Variants in SOX5 observed in about 807,000 individuals in gnomAD.
SOX5 encodes transcription factor SOX-5.
SOX5 carries 9 observed loss-of-function variants against 92.0 expected under a neutral mutation model. That is an observed-to-expected ratio of 0.10 (90% CI 0.06 to 0.17). SOX5 has a LOEUF of 0.17. SOX5 is among the 10% of genes least tolerant of loss of function. SOX5 has a pLI of 1.00. For synonymous variants in SOX5, 344 were observed against 336.3 expected (o/e 1.02, Z -0.25); for missense variants, 642 against 944.5 (o/e 0.68, Z 4.20).
intron 1 of SOX5, among the ~76,000 whole-genome samples, chr12:24,547,231 C>T (rs1272530218): frequency 2.1e-5 from 3 of 143,664 alleles, no homozygotes; most frequent in Admixed American, 7.2e-5. Flanking sequence ...GTCGCCCAGG[C>T]CGGACTGCGG....
At chr12:23,926,568 C>G (rs1450304375) in intron 1 of SOX5, among the ~76,000 whole-genome samples, 1 of 151,988 alleles carries the variant, frequency 6.6e-6, no homozygotes. Flanking sequence ...ATTCAAAATC[C>G]TATGCTTTAC....
intron 4 of SOX5, among the ~76,000 whole-genome samples, chr12:24,199,451 A>C (rs1168478147): frequency 6.6e-6 from 1 of 152,198 alleles, no homozygotes; most frequent in Admixed American, 6.5e-5. Flanking sequence ...TAGAATCTCT[A>C]TGTCTGAACG....
intron 3 of SOX5, among the ~76,000 whole-genome samples, chr12:23,779,205 A>G (rs527450674): frequency 5.3e-5 from 8 of 152,262 alleles, no homozygotes; most frequent in African/African-American, 1.9e-4. Context: ...GGCCTTAAAA[A>G]TGCTATTTTG....
At chr12:23,566,029 GCTC>G (rs1334337918) in intron 10 of SOX5, among the ~76,000 whole-genome samples, 3 of 151,960 alleles carry the variant, frequency 2.0e-5, no homozygotes, top group Non-Finnish European at 4.4e-5. Context: ...TGCCTATTTT[GCTC>G]CTCCTGTTTC....
chr12:24,233,558 C>A (rs1963844370), intron 3 of SOX5, among the ~76,000 whole-genome samples: 2 of 152,190 alleles, frequency 1.3e-5, no homozygotes. Flanking sequence ...GTTGCACATA[C>A]CTTTGTGTAA....
intron 3 of SOX5, among the ~76,000 whole-genome samples, chr12:24,221,077 A>G (rs574969935): frequency 5.0e-4 from 76 of 152,348 alleles, no homozygotes; most frequent in Admixed American, 1.3e-4. Flanking sequence ...ATTTTAACTC[A>G]GGATGGCCTG....
At chr12:23,625,350 G>C (rs551595818) in intron 8 of SOX5, among the ~76,000 whole-genome samples, 1 of 152,050 alleles carries the variant, frequency 6.6e-6, no homozygotes, top group South Asian at 2.1e-4. Context: ...CTGGTGTTAC[G>C]GTCTAAATGG....
At position 23,890,812 on chromosome 12, in the gene SOX5, G is replaced by A. The variant is rs574178546; in HGVS notation, c.270+4981C>T. ...AAGCAACAGCCTCCAAAGTCAAGTT[G>A]AAAAAAAAAAAAGAAAAGAAGGAAA... On this transcript the variant is annotated intron_variant, in intron 2 of 14. Transcript: ENST00000451604. Among the ~76,000 whole-genome samples the A allele has an allele frequency of 9.9e-4, 135 of 135,968 alleles. 2 individuals are homozygous for A. Among genetic ancestry groups the A allele is most frequent in the African/African-American group, 3.5e-3 (132 of 37,526 alleles). The allele number at this position is 135,968 out of a possible 152,430, so 89.2% of individuals were successfully genotyped here. A position where few individuals can be genotyped will look rare whatever the true frequency, so the allele number is the denominator to read the frequency against.
At chr12:24,431,115 T>C (rs565582953) in intron 1 of SOX5, among the ~76,000 whole-genome samples, 2 of 152,310 alleles carry the variant, frequency 1.3e-5, no homozygotes, top group Admixed American at 6.5e-5. Context: ...GACCAGGCAG[T>C]GTATATGTCT....
intron 6 of SOX5, among the ~76,000 whole-genome samples, chr12:23,671,480 G>A (rs1277856317): frequency 6.6e-6 from 1 of 152,106 alleles, no homozygotes; most frequent in Non-Finnish European, 1.5e-5. Context: ...ATATCCAAAT[G>A]AGATTACAAG....
Position 23,604,398 on chromosome 12 carries a change from G to C in SOX5, c.1153C>G (p.Pro385Ala), listed in dbSNP as rs1592491321. 2.5e-6 allele frequency: 4 copies of C among 1,613,606 alleles called. No homozygotes were observed. The highest frequency in any genetic ancestry group is 3.4e-6 in the Non-Finnish European group (4 of 1,179,684). The change falls in exon 9 of 15, where the codon CCC (proline) becomes GCC (alanine). Residue 385 changes from proline (P) to alanine (A), a missense_variant. By Grantham distance (27) the Pro-to-Ala change is conservative. Transcript: ENST00000451604. ...CTTCAAAAGGGTACCTTGCTTTTGG[G>C]TGGTGGGCTGTTTGTGCTCTTGTCT... is the stretch of plus-strand genomic sequence containing the variant. ...HTDKSTNSPP[P>A]KSKDEVAQPL...
chr12:24,546,840 G>C (rs1016450113), intron 1 of SOX5, among the ~76,000 whole-genome samples: 28 of 152,148 alleles, frequency 1.8e-4, no homozygotes, highest in Non-Finnish European at 3.5e-4. Flanking sequence ...GCCCGCCCTG[G>C]ATATGCCACA....
rs117963514 is a variant in SOX5 at position 24,286,218 on chromosome 12, G to T, written c.-173-8906C>A. 5.2e-3 allele frequency among the ~76,000 whole-genome samples: 796 copies of T among 152,276 alleles called. 4 individuals are homozygous for T. The highest frequency in any genetic ancestry group is 0.017 in the Middle Eastern group (5 of 294). ...AAAAAAGGGAATACAGTTAATAATT[G>T]TAGTGTCCAATCAAATGTAGGTAAA... is the stretch of plus-strand genomic sequence containing the variant. On this transcript the variant is annotated intron_variant, in intron 2 of 4. Coordinates refer to the SOX5 transcript ENST00000446891.
chr12:24,195,880 G>GTGTGTGTC (rs200482016), intron 4 of SOX5, among the ~76,000 whole-genome samples: 4,521 of 152,196 alleles, frequency 0.03, 66 homozygotes, highest in South Asian at 0.065. Context: ...CTGTGCATGT[G>GTGTGTGTC]TGTGTGTCTG....
intron 8 of SOX5, chr12:23,632,343 G>C (rs1291264610): frequency 6.6e-6 from 1 of 152,116 alleles, no homozygotes; most frequent in Non-Finnish European, 1.5e-5. Flanking sequence ...TATTCACCCT[G>C]TATGAAAATG....
At position 23,895,984 on chromosome 12, in the gene SOX5, C is replaced by T. The variant is rs2097173271; in HGVS notation, c.79G>A (p.Asp27Asn). The part of the protein sequence containing the change: ...KRPASPYGEA[D>N]GEVAMVTSRQ... Reference sequence around the variant, plus strand: ...CTTGTCACCATGGCTACCTCTCCATCTGCTTCCCCATACGGAGAGGCTGGT... The same window carrying T: ...CTTGTCACCATGGCTACCTCTCCATTTGCTTCCCCATACGGAGAGGCTGGT... The change falls in exon 2 of 15, where the codon GAT (aspartate) becomes AAT (asparagine). Residue 27 changes from aspartate to asparagine, a missense_variant. By Grantham distance (23) the Asp-to-Asn change is conservative (BLOSUM62 1). This residue lies in a region of SOX5 where 113 missense variants were observed against 117.7 expected (regional missense o/e 0.96). Coordinates refer to ENST00000451604, the MANE Select transcript of SOX5 (RefSeq NM_006940.6). 1 of 1,614,096 alleles carries T rather than the reference C, an allele frequency of 6.2e-7. No individual in the cohort carries two copies. Among genetic ancestry groups the T allele is most frequent in the Non-Finnish European group, 8.5e-7 (1 of 1,179,946 alleles).
At chr12:24,385,719 C>G (rs972815606) in intron 1 of SOX5, among the ~76,000 whole-genome samples, 1 of 151,926 alleles carries the variant, frequency 6.6e-6, no homozygotes, top group East Asian at 1.9e-4. Flanking sequence ...AGGAAGATCA[C>G]TTGAGCTCAG....
rs1236279309 is a variant in SOX5 at position 23,846,090 on chromosome 12, G to T, written c.374C>A (p.Ser125Tyr). 6.2e-7 allele frequency: 1 copy of T among 1,614,076 alleles called. No homozygotes were observed. Among genetic ancestry groups the T allele is most frequent in the Admixed American group, 1.7e-5 (1 of 60,010 alleles). The change falls in exon 3 of 15, where the codon TCT becomes TAT. Residue 125 changes from serine to tyrosine, a missense_variant. By Grantham distance (144) the Ser-to-Tyr change is moderately radical. Coordinates refer to ENST00000451604, the MANE Select transcript of SOX5 (RefSeq NM_006940.6). ...TTCAGGAGTTCCCAGGGCTGTACTAGACAAGGACTCGCCACTCTGTCGCCC... is the reference window on the plus strand; with the variant it reads ...TTCAGGAGTTCCCAGGGCTGTACTATACAAGGACTCGCCACTCTGTCGCCC... ...EGGRQSGESLSSTALGTPERR... is the reference protein window; with the variant it reads ...EGGRQSGESLYSTALGTPERR...
At chr12:24,068,704 G>GTATATATATATATATATATA (rs1164844032) in intron 4 of SOX5, among the ~76,000 whole-genome samples, 1 of 74,322 alleles carries the variant, frequency 1.3e-5, no homozygotes, top group African/African-American at 5.7e-5. Context: ...GTGTGTGTGT[G>GTATATATATATATATATATA]TATATATATA....
Sources: allele counts gnomAD v4.1 joint callset (sites outside exome capture counted in the v4.1 genomes callset), GRCh38; gene constraint gnomAD v4.1.1; regional missense constraint gnomAD v4.1.1; transcripts MANE v1.5; gene names NCBI Gene and HGNC (gene_info 2026-07-23, HGNC 2026-07-21).